The following SLC10A7 variants were observed in gnomAD, a reference collection of about 807,000 sequenced individuals.
The protein encoded by SLC10A7 is sodium/bile acid cotransporter 7.
Under a neutral mutation model 43.2 loss-of-function variants are expected in SLC10A7, and 29 were observed. That is an observed-to-expected ratio of 0.67 (90% CI 0.50 to 0.92). SLC10A7 has a LOEUF of 0.92. Among genes scored for constraint, SLC10A7 ranks in the 40% least tolerant of loss-of-function variants. SLC10A7 has a pLI of 0.00. For synonymous variants in SLC10A7, 152 were observed against 144.8 expected, an observed-to-expected ratio of 1.05 and a Z score of -0.35; for missense variants, 295 against 403.2, an observed-to-expected ratio of 0.73 and a Z score of 2.30.
chr4:146,406,630 A>G (rs1477946134), intron 5 of SLC10A7, among the ~76,000 whole-genome samples: 5 of 151,952 alleles, frequency 3.3e-5, no homozygotes, highest in Admixed American at 3.3e-4. Flanking sequence ...TTTGACATAT[A>G]AGAAGCCAAC....
chr4:146,297,441 T>C (rs1730859008), intron 7 of SLC10A7, among the ~76,000 whole-genome samples: 1 of 152,186 alleles, frequency 6.6e-6, no homozygotes, highest in Non-Finnish European at 1.5e-5. Flanking sequence ...AGAATGTTGA[T>C]TCACTGAGAT....
chr4:146,348,954 C>A (rs187400390), intron 5 of SLC10A7, among the ~76,000 whole-genome samples: 2 of 152,190 alleles, frequency 1.3e-5, no homozygotes, highest in Admixed American at 1.3e-4. Context: ...TTAGGAAATG[C>A]CTGAAACAGA....
At chr4:146,498,483 CA>C (rs1736116435) in intron 4 of SLC10A7, among the ~76,000 whole-genome samples, 1 of 152,170 alleles carries the variant, frequency 6.6e-6, no homozygotes, top group Admixed American at 6.5e-5. Context: ...CACACAGCCA[CA>C]ATCACCACCA....
At chr4:146,265,955 T>C (rs930226737) in intron 10 of SLC10A7, among the ~76,000 whole-genome samples, 1 of 152,340 alleles carries the variant, frequency 6.6e-6, no homozygotes, top group South Asian at 2.1e-4. Context: ...TAATATTACA[T>C]GTACTTTCCC....
In SLC10A7 at chr4:146,445,559, C is replaced by T. The variant is rs184502558; in HGVS notation, c.397-2738G>A. Among the ~76,000 whole-genome samples, 615 of 152,220 alleles carry T rather than the reference C, an allele frequency of 4.0e-3. 4 individuals are homozygous for T. Among genetic ancestry groups the T allele is most frequent in the African/African-American group, 0.014 (569 of 41,542 alleles). On this transcript the variant is annotated intron_variant, in intron 4 of 11. Transcript: ENST00000335472. ...CAATCACTGCTCTTTTAGCATTTGC[C>T]GTCCGTGGATGGCTAGGTGTTAACT...
chr4:146,331,533 C>T (rs1048225270), intron 5 of SLC10A7, among the ~76,000 whole-genome samples: 8 of 152,064 alleles, frequency 5.3e-5, no homozygotes, highest in Non-Finnish European at 1.0e-4. Flanking sequence ...GCCTGGGTAA[C>T]CCCCATTTTT....
chr4:146,520,453 T>A (rs183191396), intron 1 of SLC10A7, among the ~76,000 whole-genome samples: 1 of 152,344 alleles, frequency 6.6e-6, no homozygotes, highest in Admixed American at 6.5e-5. Flanking sequence ...AAGAACAAAA[T>A]TTTAAAACAA....
At chr4:146,487,146 C>T (rs1418580454) in intron 4 of SLC10A7, among the ~76,000 whole-genome samples, 2 of 152,136 alleles carry the variant, frequency 1.3e-5, no homozygotes, top group Non-Finnish European at 2.9e-5. Context: ...ACCTTAACCA[C>T]ACAGGAGAGG....
intron 5 of SLC10A7, among the ~76,000 whole-genome samples, chr4:146,386,808 C>T (rs1257480252): frequency 6.6e-6 from 1 of 152,136 alleles, no homozygotes; most frequent in Admixed American, 6.5e-5. Context: ...CTGCTTTCTT[C>T]TTGGAAGGAC....
At chr4:146,458,167 A>G (rs1199513832) in intron 4 of SLC10A7, among the ~76,000 whole-genome samples, 3 of 151,862 alleles carry the variant, frequency 2.0e-5, no homozygotes, top group African/African-American at 4.8e-5. Context: ...CAAAGTTGGC[A>G]TAAGATTTAA....
At chr4:146,454,258 A>C in intron 4 of SLC10A7, among the ~76,000 whole-genome samples, 1 of 151,944 alleles carries the variant, frequency 6.6e-6, no homozygotes. Flanking sequence ...GGTGAAATTA[A>C]ACTTAATCAA....
In SLC10A7 at chr4:146,278,662, A is replaced by G. The variant is rs115498734; in HGVS notation, c.847+4530T>C. Among the ~76,000 whole-genome samples the G allele has an allele frequency of 2.7e-3, 407 of 152,312 alleles. 1 individual carries two copies. The highest frequency in any genetic ancestry group is 4.9e-3 in the Non-Finnish European group (336 of 68,018). On this transcript the variant is annotated intron_variant, in intron 10 of 11. Coordinates refer to ENST00000335472, the MANE Select transcript of SLC10A7 (RefSeq NM_001029998.6). ...TCAAGAACTTATTTCCTTTGCGCAC[A>G]TAATAGGGAAACTTGTTATTTCATA...
chr4:146,487,374 G>C (rs116350651), intron 4 of SLC10A7, among the ~76,000 whole-genome samples: 1 of 152,266 alleles, frequency 6.6e-6, no homozygotes, highest in Non-Finnish European at 1.5e-5. Flanking sequence ...TACAAGGTTT[G>C]AGCTTCCTTG....
intron 4 of SLC10A7, among the ~76,000 whole-genome samples, chr4:146,468,065 T>A (rs977324136): frequency 1.3e-5 from 2 of 152,160 alleles, no homozygotes; most frequent in African/African-American, 4.8e-5. Flanking sequence ...CCAGACTTAG[T>A]TTACCTAGGT....
chr4:146,270,420 C>T (rs1286427179), intron 10 of SLC10A7, among the ~76,000 whole-genome samples: 9 of 152,210 alleles, frequency 5.9e-5, no homozygotes, highest in South Asian at 2.1e-4. Flanking sequence ...CAACCCATCT[C>T]GCATTCTTTT....
chr4:146,276,412 A>G (rs1055643556), intron 10 of SLC10A7, among the ~76,000 whole-genome samples: 2 of 152,210 alleles, frequency 1.3e-5, no homozygotes, highest in African/African-American at 4.8e-5. Flanking sequence ...TCCACAGAGA[A>G]GTATTTTAAA....
At chr4:146,256,960 C>T in intron 11 of SLC10A7, 2 of 1,466,722 alleles carry the variant, frequency 1.4e-6, no homozygotes, top group East Asian at 2.5e-5. Flanking sequence ...AAATGAACAA[C>T]AGTGTACAAT....
intron 2 of SLC10A7, among the ~76,000 whole-genome samples, chr4:146,515,909 C>CAAAAAAAAAAAAAAAAAAAAAAAAAA (rs57840725): frequency 1.3e-5 from 1 of 79,226 alleles, no homozygotes; most frequent in Non-Finnish European, 2.3e-5. Context: ...GATTCCATCT[C>CAAAAAAAAAAAAAAAAAAAAAAAAAA]AAAAAAAAAA....
chr4:146,439,268 G>GTT (rs1730428787), intron 5 of SLC10A7, among the ~76,000 whole-genome samples: 3 of 152,096 alleles, frequency 2.0e-5, no homozygotes, highest in Non-Finnish European at 4.4e-5. Flanking sequence ...TAAAAACACT[G>GTT]TTTAAATTAG....
Sources: allele counts gnomAD v4.1 joint callset (sites outside exome capture counted in the v4.1 genomes callset), GRCh38; gene constraint gnomAD v4.1.1; transcripts MANE v1.5; gene names NCBI Gene and HGNC (gene_info 2026-07-23, HGNC 2026-07-21).